TSBP1: variants seen among roughly 807,000 people sequenced by gnomAD.
TSBP1 encodes testis-expressed basic protein 1.
In TSBP1, 56 loss-of-function variants were observed where a neutral mutation model predicts 68.8. The ratio of observed to expected loss-of-function variants is 0.81; its 90% CI spans 0.66 to 1.02. The LOEUF (loss-of-function observed/expected upper bound fraction) is 1.02. Ranked by LOEUF, TSBP1 falls within the 50% of genes least tolerant of loss-of-function variation. The pLI is 0.00. For missense variants in TSBP1, 502 were observed against 641.2 expected (o/e 0.78, Z 2.34); for synonymous variants, 171 against 208.7 (o/e 0.82, Z 1.56).
At chr6:32,370,074 A>C in intron 1 of TSBP1, 91 bp from the exon 2 acceptor site, 2 of 749,856 alleles carry the variant, frequency 2.7e-6, no homozygotes, top group Non-Finnish European at 4.5e-6. Context: ...TCCACCAGAT[A>C]GACTTTTTTT....
chr6:32,304,817 T>TA lies in TSBP1; in HGVS notation c.581-2189dup, dbSNP rs1408111902. 6.6e-6 allele frequency among the ~76,000 whole-genome samples: 1 copy of TA among 151,464 alleles called. No individual in the cohort carries two copies. The highest frequency in any genetic ancestry group is 1.5e-5 in the Non-Finnish European group (1 of 67,844). On this transcript the variant is annotated intron_variant, in intron 19 of 22. Coordinates refer to ENST00000612031, the Ensembl canonical transcript of TSBP1. The surrounding 1 kb of genome is among the most constrained non-coding windows in gnomAD (Gnocchi z 4.8). ...ACCTTTTCTTTTTCTTTTCAGTTTT[T>TA]ATGAGAATTTAAAACTCTTCAAGAG...
chr6:32,358,053 G>A (rs757592400), intron 6 of TSBP1, among the ~76,000 whole-genome samples: 3 of 152,116 alleles, frequency 2.0e-5, no homozygotes, highest in Non-Finnish European at 4.4e-5. Context: ...TTTTTGGGTA[G>A]CTCACCTTTG....
At chr6:32,320,498 C>T (rs1482464994) in intron 18 of TSBP1, among the ~76,000 whole-genome samples, 1 of 152,034 alleles carries the variant, frequency 6.6e-6, no homozygotes, top group Non-Finnish European at 1.5e-5. Flanking sequence ...GATGTTGAAA[C>T]CCTACCTTTG....
chr6:32,355,735 C>T, intron 6 of TSBP1, 66 bp from the exon 7 acceptor site: 13 of 1,541,442 alleles, frequency 8.4e-6, no homozygotes, highest in Non-Finnish European at 1.1e-5. Context: ...TTTGGTATCA[C>T]TACAGAGGAT....
intron 1 of TSBP1, among the ~76,000 whole-genome samples, chr6:32,370,861 G>A (rs922277235): frequency 1.3e-5 from 2 of 151,134 alleles, no homozygotes; most frequent in African/African-American, 4.9e-5. Flanking sequence ...AGAAAAGAGA[G>A]AGAGAGAGAA....
At chr6:32,347,607 A>G (rs542354411) in intron 9 of TSBP1, among the ~76,000 whole-genome samples, 2 of 152,306 alleles carry the variant, frequency 1.3e-5, no homozygotes, top group East Asian at 3.9e-4. Context: ...CTCTACCAGA[A>G]GCCAGGGTTG....
chr6:32,341,206 A>T (rs1439152780), intron 9 of TSBP1, among the ~76,000 whole-genome samples: 2 of 150,116 alleles, frequency 1.3e-5, no homozygotes, highest in African/African-American at 2.4e-5. Context: ...AGAAGAAGAT[A>T]AAAAAAACTT....
rs1769591084 is a variant in TSBP1, at chr6:32,335,870, A to C, written c.451+42T>G. The C allele has an allele frequency of 6.5e-7, 1 of 1,542,134 alleles. No individual in the cohort carries two copies. The highest frequency in any genetic ancestry group is 1.4e-5 in the African/African-American group (1 of 73,714). On this transcript the variant is annotated intron_variant, in intron 13 of 22. Transcript: ENST00000612031. The surrounding 1 kb of genome is among the most constrained non-coding windows in gnomAD (Gnocchi z 5.5). The stretch of plus-strand genomic sequence containing the variant: ...GTAGCGATCCCTAAGATACTGCAGG[A>C]AAGTAAAATGCTCACTGTGGAGAAT...
At chr6:32,349,694 A>C (rs2076538) in intron 9 of TSBP1, 46 bp downstream of exon 9, 447,185 of 1,155,130 alleles carry the variant, frequency 0.39, 92,205 homozygotes, top group Middle Eastern at 0.56. Flanking sequence ...TCTTGATTAA[A>C]TGGGGCTAAA....
Position 32,321,846 on chromosome 6 carries a change from C to T in TSBP1, c.559+1271G>A, listed in dbSNP as rs1184517535. ...ACCCAGATGTCTGTCATGTTTAAAA[C>T]TTGGAAAATTTTACCTACTATCTGG... On this transcript the variant is annotated intron_variant, in intron 18 of 22. Coordinates refer to ENST00000612031, the Ensembl canonical transcript of TSBP1. This position sits in a 1 kb window ranked among gnomAD's most constrained non-coding sequence, Gnocchi z 4.3. Among the ~76,000 whole-genome samples, 1 of 152,152 alleles carries T rather than the reference C, an allele frequency of 6.6e-6. No individual in the cohort carries two copies. Among genetic ancestry groups the T allele is most frequent in the Non-Finnish European group, 1.5e-5 (1 of 68,030 alleles).
chr6:32,310,761 A>ATATATATTTTT lies in TSBP1; in HGVS notation c.580+5010_580+5011insAAAAATATATA. 6.3e-3 allele frequency among the ~76,000 whole-genome samples: 906 copies of ATATATATTTTT among 144,816 alleles called. 19 individuals carry two copies. The East Asian group carries it at 0.063, about 10-fold the overall frequency. ...TATATATACATATATATATATATAT[A>ATATATATTTTT]TTTTTAATCTTTTTAGAAAGGATAG... On this transcript the variant is annotated intron_variant, in intron 19 of 22. Coordinates refer to ENST00000612031, the Ensembl canonical transcript of TSBP1.
intron 8 of TSBP1, chr6:32,350,118 C>T: frequency 1.8e-6 from 1 of 569,144 alleles, no homozygotes; most frequent in South Asian, 1.5e-5. Context: ...CTCTACCTTT[C>T]CTCCACCTCT....
chr6:32,320,755 G>A (rs896450887), intron 18 of TSBP1, among the ~76,000 whole-genome samples: 3 of 152,078 alleles, frequency 2.0e-5, no homozygotes, highest in African/African-American at 7.2e-5. Context: ...AGGTAAACTT[G>A]TGTCATGGGG....
At chr6:32,300,051 A>ACTT in intron 21 of TSBP1, 115 bp from the exon 25 acceptor site, 9 of 831,902 alleles carry the variant, frequency 1.1e-5, no homozygotes, top group East Asian at 2.4e-5. Context: ...AGGGAGCACA[A>ACTT]AACTCTGTTT....
At chr6:32,322,250 C>G (rs1767715657) in intron 18 of TSBP1, among the ~76,000 whole-genome samples, 1 of 152,116 alleles carries the variant, frequency 6.6e-6, no homozygotes, top group Admixed American at 6.6e-5. Context: ...AGTGCTTGAC[C>G]TGGTTTAAAT....
intron 16 of TSBP1, chr6:32,326,090 G>A (rs1022698323): frequency 5.0e-6 from 7 of 1,408,216 alleles, no homozygotes; most frequent in East Asian, 2.3e-5. Flanking sequence ...TATGGTGGTG[G>A]AGGCCAATAC....
At chr6:32,366,787 G>A (rs899116381) in intron 4 of TSBP1, among the ~76,000 whole-genome samples, 215 of 88,546 alleles carry the variant, frequency 2.4e-3, no homozygotes, top group South Asian at 3.5e-3. Flanking sequence ...AAAAAAAAAA[G>A]TTTATCATTA....
At chr6:32,349,056 A>G (rs1321823623) in intron 9 of TSBP1, among the ~76,000 whole-genome samples, 1 of 152,214 alleles carries the variant, frequency 6.6e-6, no homozygotes, top group Non-Finnish European at 1.5e-5. Context: ...CAGCAGGGTT[A>G]GGGAATGTTC....
chr6:32,310,284 G>T (rs1240958715), intron 19 of TSBP1, among the ~76,000 whole-genome samples: 1 of 152,012 alleles, frequency 6.6e-6, no homozygotes, highest in Non-Finnish European at 1.5e-5. Context: ...CTGTCTGTGT[G>T]TTTTAAAGTT....
Sources: gnomAD v4.1 joint callset for allele counts (sites outside exome capture counted in the v4.1 genomes callset) on GRCh38, gnomAD v4.1.1 for gene constraint, Gnocchi (gnomAD v3.1) non-coding constraint, MANE v1.5 for transcripts, NCBI Gene and HGNC (gene_info 2026-07-23, HGNC 2026-07-21) for gene names.